NXPE2: variants seen among roughly 807,000 people sequenced by gnomAD.
The protein encoded by NXPE2 is NXPE family member 2.
NXPE2 carries 34 observed loss-of-function variants against 34.4 expected under a neutral mutation model. The observed-to-expected ratio is 0.99, with a 90% CI of 0.75 to 1.31. The LOEUF (loss-of-function observed/expected upper bound fraction) is 1.31, where lower values mean the gene tolerates loss of function less well. Ranked by LOEUF, NXPE2 falls within the 40% of genes most tolerant of loss-of-function variation. The pLI is 0.00. For missense variants in NXPE2, 649 were observed against 672.5 expected (o/e 0.97, Z 0.39); for synonymous variants, 235 against 231.3 (o/e 1.02, Z -0.15).
the NXPE2 span, among the ~76,000 whole-genome samples, chr11:114,628,061 G>A: frequency 2.6e-4 from 39 of 149,704 alleles, no homozygotes; most frequent in South Asian, 5.4e-3. Flanking sequence ...ACTCCCACAC[G>A]TTAATAATGG....
intron 4 of NXPE2, 120 bp downstream of exon 4, chr11:114,704,172 A>G (rs1214754506): frequency 6.9e-6 from 5 of 721,886 alleles, no homozygotes; most frequent in Non-Finnish European, 6.9e-6. Context: ...GACAAATTAC[A>G]TCAACCACCT....
At chr11:114,511,205 T>G in the NXPE2 span, among the ~76,000 whole-genome samples, 2 of 152,164 alleles carry the variant, frequency 1.3e-5, no homozygotes, top group South Asian at 4.1e-4. Context: ...TAAGAATGGT[T>G]GTGTTACACA....
the NXPE2 span, among the ~76,000 whole-genome samples, chr11:114,592,391 G>GA: frequency 6.6e-6 from 1 of 151,820 alleles, no homozygotes; most frequent in South Asian, 2.1e-4. Context: ...CAAACAACCT[G>GA]AAAAAATATC....
chr11:114,551,357 C>G, the NXPE2 span: 4 of 1,413,998 alleles, frequency 2.8e-6, no homozygotes, highest in Admixed American at 2.9e-5. Context: ...TAACTAACAA[C>G]TCATACCCCC....
At chr11:114,584,967 A>C in the NXPE2 span, among the ~76,000 whole-genome samples, 2 of 152,050 alleles carry the variant, frequency 1.3e-5, no homozygotes, top group Admixed American at 6.5e-5. Context: ...ACTTTTGTGC[A>C]AACAGAAGAC....
chr11:114,707,321 C>A, downstream of NXPE2: 2 of 324,232 alleles, frequency 6.2e-6, no homozygotes, highest in Non-Finnish European at 1.2e-5. Context: ...GTCTCGAACT[C>A]CTGACCTTAG....
At chr11:114,738,220 T>C in the NXPE2 span, among the ~76,000 whole-genome samples, 1 of 152,144 alleles carries the variant, frequency 6.6e-6, no homozygotes, top group Non-Finnish European at 1.5e-5. Context: ...AAGTTGTAGA[T>C]GGGGGAAATA....
chr11:114,626,440 C>T, the NXPE2 span, among the ~76,000 whole-genome samples: 1 of 152,192 alleles, frequency 6.6e-6, no homozygotes, highest in African/African-American at 2.4e-5. Context: ...TGGCCGGGTA[C>T]TCCAACAGAC....
At chr11:114,573,227 A>G in the NXPE2 span, among the ~76,000 whole-genome samples, 74 of 152,176 alleles carry the variant, frequency 4.9e-4, no homozygotes, top group African/African-American at 1.7e-3. Context: ...GAAGCAAGTT[A>G]TCAAAGCACA....
At chr11:114,505,600 A>C in the NXPE2 span, among the ~76,000 whole-genome samples, 5 of 152,198 alleles carry the variant, frequency 3.3e-5, no homozygotes, top group Admixed American at 2.6e-4. Context: ...AGAAATTCCA[A>C]CCTAGAATTT....
At chr11:114,637,180 G>C in the NXPE2 span, among the ~76,000 whole-genome samples, 3 of 151,838 alleles carry the variant, frequency 2.0e-5, no homozygotes, top group African/African-American at 7.2e-5. Flanking sequence ...AGGATAGTTA[G>C]CTCTTCTTGT....
chr11:114,600,309 A>T, the NXPE2 span, among the ~76,000 whole-genome samples: 3 of 152,054 alleles, frequency 2.0e-5, no homozygotes, highest in African/African-American at 4.8e-5. Flanking sequence ...TAATTCAAAA[A>T]CTCATTTAAA....
At chr11:114,726,432 A>T in the NXPE2 span, among the ~76,000 whole-genome samples, 47,926 of 151,796 alleles carry the variant, frequency 0.32, 8,265 homozygotes, top group Middle Eastern at 0.41. Context: ...GGCTGGTCTC[A>T]AACTCCTGGT....
At chr11:114,725,561 T>A in the NXPE2 span, among the ~76,000 whole-genome samples, 1 of 151,942 alleles carries the variant, frequency 6.6e-6, no homozygotes, top group African/African-American at 2.4e-5. Flanking sequence ...CAGGAAAGCA[T>A]AAATGATAAT....
chr11:114,481,139 A>G, the NXPE2 span, among the ~76,000 whole-genome samples: 5 of 152,188 alleles, frequency 3.3e-5, no homozygotes, highest in Admixed American at 1.3e-4. Flanking sequence ...TTCCTAGCTT[A>G]GTGTGGGGCA....
the NXPE2 span, among the ~76,000 whole-genome samples, chr11:114,718,328 C>T: frequency 9.9e-5 from 15 of 152,118 alleles, no homozygotes; most frequent in Non-Finnish European, 1.8e-4. Context: ...ATAAGCCTGG[C>T]GCATTGCAGG....
the NXPE2 span, chr11:114,522,923 G>A: frequency 3.3e-5 from 54 of 1,613,488 alleles, no homozygotes; most frequent in African/African-American, 6.1e-4. Context: ...ACGTAGTGTA[G>A]AGTCTCCCAG....
the NXPE2 span, among the ~76,000 whole-genome samples, chr11:114,776,437 C>A: frequency 1.0e-3 from 158 of 152,370 alleles, no homozygotes; most frequent in African/African-American, 3.6e-3. Flanking sequence ...AGTTAAGAAG[C>A]TTTTCTTTGC....
chr11:114,767,800 T>G, the NXPE2 span, among the ~76,000 whole-genome samples: 1,409 of 152,206 alleles, frequency 9.3e-3, 21 homozygotes, highest in African/African-American at 0.031. Context: ...TCCTTACCTA[T>G]CCCCTTCTCC....
Sources: gnomAD v4.1 joint callset for allele counts (sites outside exome capture counted in the v4.1 genomes callset) on GRCh38, gnomAD v4.1.1 for gene constraint, MANE v1.5 for transcripts, NCBI Gene and HGNC (gene_info 2026-07-23, HGNC 2026-07-21) for gene names.